Variants in BAHCC1 observed in about 807,000 individuals in gnomAD.
BAHCC1 encodes the protein BAH and coiled-coil domain-containing protein 1.
BAHCC1 carries 43 observed loss-of-function variants against 88.2 expected under a neutral mutation model. The ratio of observed to expected loss-of-function variants is 0.49; its 90% CI spans 0.38 to 0.63. The LOEUF is 0.63. Ranked by LOEUF, BAHCC1 falls within the 20% of genes least tolerant of loss-of-function variation. BAHCC1 has a pLI of 0.00. For missense variants in BAHCC1, 3,023 were observed against 1,654.8 expected (o/e 1.83, Z -14.34); for synonymous variants, 1,510 against 745.5 (o/e 2.03, Z -16.71).
At chr17:81,418,333 C>G (rs1036091284) in intron 2 of BAHCC1, among the ~76,000 whole-genome samples, 3 of 152,292 alleles carry the variant, frequency 2.0e-5, no homozygotes, top group Admixed American at 2.0e-4. Context: ...GGCCTGGCCA[C>G]GTGACCTGTT....
rs782538832 is a variant in BAHCC1, at chr17:81,444,840, G to A, written c.2671+14G>A. The A allele has an allele frequency of 3.9e-6, 3 of 770,138 alleles. No homozygotes were observed. Among genetic ancestry groups the A allele is most frequent in the Non-Finnish European group, 7.2e-6 (3 of 414,178 alleles). The allele number at this position is 770,138 out of a possible 1,614,324, so 47.7% of individuals were successfully genotyped here. A position where few individuals can be genotyped will look rare whatever the true frequency, so the allele number is the denominator to read the frequency against. On this transcript the variant is annotated intron_variant, in intron 8 of 27. Transcript: ENST00000675386. ...CCCACGCACTTGGTAAGGGCCCCTG[G>A]TCCAGGCTGCTGTACTTGGGGGGTG...
In BAHCC1 at chr17:81,419,894, T is replaced by G. The variant is rs1482470791; in HGVS notation, c.179-6906T>G. Among the ~76,000 whole-genome samples, 4 of 149,244 alleles carry G rather than the reference T, an allele frequency of 2.7e-5. No homozygotes were observed. In the Admixed American group the frequency reaches 2.7e-4, roughly 10 times the overall value. On this transcript the variant is annotated intron_variant, in intron 2 of 27. Coordinates refer to ENST00000675386, the MANE Select transcript of BAHCC1 (RefSeq NM_001377448.1). ...CAAAACAAATGCTCGCTCTGCCGGC[T>G]CCGCGCCCGCCTCTCCCGGCTCCCG...
At chr17:81,432,921 C>T (rs1470365623) in intron 3 of BAHCC1, among the ~76,000 whole-genome samples, 2 of 94,292 alleles carry the variant, frequency 2.1e-5, no homozygotes, top group South Asian at 3.6e-4. Flanking sequence ...TCCCCCCATC[C>T]CCAGGAAGGC....
In BAHCC1 at chr17:81,464,282, G is replaced by T; in HGVS notation, c.*465G>T. 1 of 250,794 alleles carries T rather than the reference G, an allele frequency of 4.0e-6. No individual in the cohort carries two copies. The highest frequency in any genetic ancestry group is 7.9e-6 in the Non-Finnish European group (1 of 126,560). 15.5% of individuals were successfully genotyped at this position (250,794 alleles called of 1,614,324 possible). On this transcript the variant is annotated 3_prime_UTR_variant, in exon 28 of 28. Transcript: ENST00000675386. ...TTTTTCCCCATCCGCGTGACAAGGT[G>T]TGTGTGAGCGTGTATGTGTGTGCGC...
chr17:81,413,401 G>A (rs2063979948), intron 2 of BAHCC1, among the ~76,000 whole-genome samples: 1 of 152,106 alleles, frequency 6.6e-6, no homozygotes, highest in African/African-American at 2.4e-5. Context: ...CATCTGAGGC[G>A]AGGCTGGCCC....
At position 81,459,405 on chromosome 17, in the gene BAHCC1, C is replaced by T; in HGVS notation, c.5796+77C>T. The stretch of plus-strand genomic sequence containing the variant: ...GGACAAAGGAAGGCCTTGGCCTGGG[C>T]CGCAGCCACTCCCAGGCCCAGGGAC... On this transcript the variant is annotated intron_variant, in intron 22 of 27. Coordinates refer to ENST00000675386, the MANE Select transcript of BAHCC1 (RefSeq NM_001377448.1). The T allele has an allele frequency of 6.6e-6, 5 of 757,646 alleles. No individual in the cohort carries two copies. The Admixed American group carries it at 7.1e-5, about 11-fold the overall frequency. The allele number at this position is 757,646 out of a possible 1,614,324, so 46.9% of individuals were successfully genotyped here. A position where few individuals can be genotyped will look rare whatever the true frequency, so the allele number is the denominator to read the frequency against.
chr17:81,424,276 G>A (rs1431136477), intron 2 of BAHCC1, among the ~76,000 whole-genome samples: 1 of 152,230 alleles, frequency 6.6e-6, no homozygotes, highest in Non-Finnish European at 1.5e-5. Context: ...TGTGGGGCCC[G>A]TGGAGCTGAC....
Position 81,442,470 on chromosome 17 carries a change from A to C in BAHCC1, c.1121A>C (p.Asp374Ala). ...FPCLQLHGGP[D>A]GLCPLQDKAP... ...TGCCTGCAGCTGCACGGGGGCCCTG[A>C]CGGGCTCTGCCCGCTGCAGGACAAA... The change falls in exon 5 of 28, where the codon GAC (aspartate) becomes GCC (alanine). Residue 374 changes from aspartate (D) to alanine (A), a missense_variant. Transcript: ENST00000675386. 1 of 720,380 alleles carries C rather than the reference A, an allele frequency of 1.4e-6. No individual in the cohort carries two copies. The highest frequency in any genetic ancestry group is 2.0e-5 in the Admixed American group (1 of 50,208). 44.6% of individuals were successfully genotyped at this position (720,380 alleles called of 1,614,324 possible). A position where few individuals can be genotyped will look rare whatever the true frequency, so the allele number is the denominator to read the frequency against.
At chr17:81,453,375 C>T (rs1286586379) in intron 14 of BAHCC1, among the ~76,000 whole-genome samples, 7 of 152,262 alleles carry the variant, frequency 4.6e-5, no homozygotes, top group Non-Finnish European at 7.3e-5. Flanking sequence ...ATAAATCCTC[C>T]GAGCTCCTCC....
At chr17:81,421,666 G>A (rs1555649596) in intron 2 of BAHCC1, among the ~76,000 whole-genome samples, 2 of 152,198 alleles carry the variant, frequency 1.3e-5, no homozygotes, top group Admixed American at 1.3e-4. Context: ...CCGTGTGCAG[G>A]GCCCCTGCTC....
At position 81,463,710 on chromosome 17, in the gene BAHCC1, C is replaced by T. The variant is rs782411169; in HGVS notation, c.7720C>T (p.Arg2574Trp). 1.0e-5 allele frequency: 8 copies of T among 779,404 alleles called. No homozygotes were observed. Among genetic ancestry groups the T allele is most frequent in the East Asian group, 9.7e-5 (4 of 41,248 alleles). The allele number at this position is 779,404 out of a possible 1,614,324, so 48.3% of individuals were successfully genotyped here. ...VAREQYEQMA[R>W]SRKCQDRQDL... Reference sequence around the variant, plus strand: ...GCGCGAGCAGTATGAGCAGATGGCCCGGAGCCGCAAGTGCCAGGACCGGCA... The same window carrying T: ...GCGCGAGCAGTATGAGCAGATGGCCTGGAGCCGCAAGTGCCAGGACCGGCA... The change falls in exon 28 of 28, where the codon CGG becomes TGG. Residue 2574 changes from arginine (R) to tryptophan (W), a missense_variant. By Grantham distance (101) the Arg-to-Trp change is moderately radical. Transcript: ENST00000675386.
rs370439055 is a variant in BAHCC1, at chr17:81,461,473, G to A, written c.6810G>A (p.Ala2270=). ...TCCCCCCGCTGCCCATGGGGCTGGC[G>A]CTGCGCAAGTACGCGGGCCAGGCAG... ...APIPPLPMGL[A]LRKYAGQAEF... The change falls in exon 26 of 28, where the codon GCG becomes GCA. Residue 2270 remains alanine (A), a synonymous_variant. Transcript: ENST00000675386. 311 of 744,376 alleles carry A rather than the reference G, an allele frequency of 4.2e-4. No individual in the cohort carries two copies. The highest frequency in any genetic ancestry group is 3.8e-3 in the African/African-American group (221 of 58,702). 46.1% of individuals were successfully genotyped at this position (744,376 alleles called of 1,614,324 possible).
intron 25 of BAHCC1, 31 bp from the exon 26 acceptor site, chr17:81,460,835 G>A (rs781849432): frequency 1.3e-6 from 1 of 767,060 alleles, no homozygotes; most frequent in Admixed American, 1.7e-5. Flanking sequence ...GGGCCCAGCT[G>A]GGGCTGACTC....
chr17:81,413,124 G>GC (rs1444820412), intron 2 of BAHCC1: 13 of 445,084 alleles, frequency 2.9e-5, no homozygotes, highest in African/African-American at 1.6e-4. Flanking sequence ...CTTCTCTGAG[G>GC]CCCCCCACAG....
intron 16 of BAHCC1, among the ~76,000 whole-genome samples, 188 bp from the exon 17 acceptor site, chr17:81,457,222 C>T (rs2064765995): frequency 1.3e-5 from 2 of 152,160 alleles, no homozygotes; most frequent in Admixed American, 6.5e-5. Flanking sequence ...ATACAAATCC[C>T]TTCAGGCTGG....
At chr17:81,410,999 C>G (rs2063943019) in intron 2 of BAHCC1, 25 of 499,206 alleles carry the variant, frequency 5.0e-5, no homozygotes, top group South Asian at 3.6e-4. Context: ...CGGAGCCGCA[C>G]CTGGGTCTTT....
chr17:81,457,374 C>T (rs782112825), intron 16 of BAHCC1, 36 bp from the exon 17 acceptor site: 9 of 745,092 alleles, frequency 1.2e-5, no homozygotes, highest in South Asian at 1.0e-4. Flanking sequence ...CACAGCTTAC[C>T]ATCAAGTCAT....
At chr17:81,457,368 GCT>G in intron 16 of BAHCC1, 40 bp from the exon 17 acceptor site, 2 of 739,406 alleles carry the variant, frequency 2.7e-6, no homozygotes, top group East Asian at 5.1e-5. Context: ...CAATGGCACA[GCT>G]TACCATCAAG....
At chr17:81,421,253 C>T (rs572384444) in intron 2 of BAHCC1, among the ~76,000 whole-genome samples, 5 of 152,340 alleles carry the variant, frequency 3.3e-5, no homozygotes, top group Admixed American at 3.3e-4. Flanking sequence ...TTGGCCCACA[C>T]GGTCTGGCCC....
Sources: gnomAD v4.1 joint callset for allele counts (sites outside exome capture counted in the v4.1 genomes callset) on GRCh38, gnomAD v4.1.1 for gene constraint, MANE v1.5 for transcripts, NCBI Gene and HGNC (gene_info 2026-07-23, HGNC 2026-07-21) for gene names.